PRKD2: variants seen among roughly 807,000 people sequenced by gnomAD.
The protein encoded by PRKD2 is serine/threonine-protein kinase D2.
In PRKD2, 22 loss-of-function variants were observed where a neutral mutation model predicts 86.0. That is an observed-to-expected ratio of 0.26 (90% CI 0.18 to 0.37). The LOEUF is 0.37. PRKD2 is among the 10% of genes least tolerant of loss of function. The pLI is 1.00. For missense variants in PRKD2, 818 were observed against 1,199.2 expected, an observed-to-expected ratio of 0.68 and a Z score of 4.70; for synonymous variants, 509 against 510.9, an observed-to-expected ratio of 1.00 and a Z score of 0.05.
rs1398074050 is a variant in PRKD2, at chr19:46,678,422, C to T, written c.2312G>A (p.Ser771Asn). Reference sequence around the variant, plus strand: ...TCCAGCTGAGATGTGGCTCCAGGGGCTGGCCGGGTACATGAAGGCGGCGTT... The same window carrying T: ...TCCAGCTGAGATGTGGCTCCAGGGGTTGGCCGGGTACATGAAGGCGGCGTT... ...IQNAAFMYPA[S>N]PWSHISAGAI... The change falls in exon 16 of 18, where the codon AGC becomes AAC. Residue 771 changes from serine to asparagine, a missense_variant. Ser to Asn is a conservative substitution (Grantham distance 46). This residue lies in a region of PRKD2 where 132 missense variants were observed against 146.2 expected (regional missense o/e 0.90). Transcript: ENST00000291281. This position sits in a 1 kb window ranked among gnomAD's most constrained non-coding sequence, Gnocchi z 5.7. 14 of 1,614,024 alleles carry T rather than the reference C, an allele frequency of 8.7e-6. No homozygotes were observed. The highest frequency in any genetic ancestry group is 1.3e-5 in the African/African-American group (1 of 74,934).
At chr19:46,696,584 C>T (rs1266166528) in intron 9 of PRKD2, among the ~76,000 whole-genome samples, 2 of 151,964 alleles carry the variant, frequency 1.3e-5, no homozygotes, top group Non-Finnish European at 2.9e-5. Context: ...ATGGTGAAAC[C>T]CCGTCTCTAC....
In PRKD2 at chr19:46,710,977, C is replaced by G. The variant is rs2053799230; in HGVS notation, c.441G>C (p.Arg147=). 1.3e-6 allele frequency: 2 copies of G among 1,577,528 alleles called. No individual in the cohort carries two copies. Among genetic ancestry groups the G allele is most frequent in the Non-Finnish European group, 1.7e-6 (2 of 1,161,600 alleles). Residue 147 remains arginine (R), a synonymous_variant, in exon 3 of 18, where the codon CGG becomes CGC. Coordinates refer to ENST00000291281, the MANE Select transcript of PRKD2 (RefSeq NM_016457.5). The part of the protein sequence containing the change: ...RPHALTVHSY[R]APAFCDHCGE... ...CGCAGTGATCACAGAAGGCAGGCGCCCGATAGGAGTGCACCGTGAGGGCGT... is the reference window on the plus strand; with the variant it reads ...CGCAGTGATCACAGAAGGCAGGCGCGCGATAGGAGTGCACCGTGAGGGCGT...
At chr19:46,688,741 CTTTATT>C (rs1232739416) in intron 14 of PRKD2, 1 of 152,028 alleles carries the variant, frequency 6.6e-6, no homozygotes, top group Admixed American at 6.6e-5. Context: ...CTGGCATACT[CTTTATT>C]TTTAATTGTT....
chr19:46,689,557 T>C lies in PRKD2; in HGVS notation c.1951A>G (p.Thr651Ala), dbSNP rs1255333611. 1.2e-6 allele frequency: 2 copies of C among 1,609,640 alleles called. No individual in the cohort carries two copies. Among genetic ancestry groups the C allele is most frequent in the East Asian group, 2.2e-5 (1 of 44,720 alleles). The change falls in exon 14 of 18, where the codon ACC (threonine) becomes GCC (alanine). Residue 651 changes from threonine (T) to alanine (A), a missense_variant. This residue lies in a region of PRKD2 where 154 missense variants were observed against 359.6 expected (regional missense o/e 0.43). Transcript: ENST00000291281. ...SEKGRLPERLTKFLITQILVA... is the reference protein window; with the variant it reads ...SEKGRLPERLAKFLITQILVA... ...CGCACCTGGGTGATGAGGAACTTGG[T>C]GAGGCGCTCAGGCAGCCGGCCCTTC...
At position 46,702,686 on chromosome 19, in the gene PRKD2, AT is replaced by A. The variant is rs201090562; in HGVS notation, c.889+1482del. ...GGATCTAGGCTTCTGAGGTTCTAGA[AT>A]TTTTTTTTTTCTTTTTTTGAGACAA... On this transcript the variant is annotated intron_variant, in intron 5 of 17. Transcript: ENST00000291281. 2.4e-3 allele frequency among the ~76,000 whole-genome samples: 349 copies of A among 148,008 alleles called. 1 individual carries two copies. The highest frequency in any genetic ancestry group is 7.4e-3 in the African/African-American group (300 of 40,390).
chr19:46,692,801 T>C (rs2053502365), intron 10 of PRKD2, among the ~76,000 whole-genome samples: 1 of 152,194 alleles, frequency 6.6e-6, no homozygotes, highest in African/African-American at 2.4e-5. Flanking sequence ...TCTCTGCATA[T>C]GCTGTTTCCC....
chr19:46,711,614 A>C (rs934796423), intron 2 of PRKD2, among the ~76,000 whole-genome samples: 1 of 152,034 alleles, frequency 6.6e-6, no homozygotes, highest in Admixed American at 6.6e-5. Flanking sequence ...GATGGTCTCA[A>C]ACTCCCGACC....
intron 3 of PRKD2, among the ~76,000 whole-genome samples, chr19:46,705,054 G>A (rs528875039): frequency 7.6e-5 from 11 of 144,838 alleles, no homozygotes; most frequent in African/African-American, 2.8e-4. Context: ...ACTCCAACAA[G>A]GGATACCTCA....
At chr19:46,683,869 A>G (rs1206344859) in intron 14 of PRKD2, among the ~76,000 whole-genome samples, 3 of 152,098 alleles carry the variant, frequency 2.0e-5, no homozygotes, top group African/African-American at 7.2e-5. Context: ...TTGTTGGTAA[A>G]TATATTTGTT....
chr19:46,713,803 T>TCC, intron 2 of PRKD2, 60 bp downstream of exon 2: 3 of 744,420 alleles, frequency 4.0e-6, no homozygotes, highest in Non-Finnish European at 5.8e-6. Flanking sequence ...TACCCTCTCC[T>TCC]CCCCCAGATG....
chr19:46,692,289 A>C (rs1414579794), intron 10 of PRKD2, among the ~76,000 whole-genome samples: 1 of 152,118 alleles, frequency 6.6e-6, no homozygotes, highest in Non-Finnish European at 1.5e-5. Context: ...TCTCAGCACC[A>C]GGGGAGGCAG....
At position 46,678,100 on chromosome 19, in the gene PRKD2, C is replaced by T. The variant is rs1478062454; in HGVS notation, c.2338+296G>A. 6.6e-6 allele frequency among the ~76,000 whole-genome samples: 1 copy of T among 152,178 alleles called. No homozygotes were observed. On this transcript the variant is annotated intron_variant, in intron 16 of 17. Coordinates refer to ENST00000291281, the MANE Select transcript of PRKD2 (RefSeq NM_016457.5). This position sits in a 1 kb window ranked among gnomAD's most constrained non-coding sequence, Gnocchi z 5.7. ...CCTCAAGTCCAGTCCCTTTCCTGGT[C>T]CCACCCTAGACAAGCCAAGTCTCAC...
chr19:46,697,674 T>G, intron 8 of PRKD2, 59 bp downstream of exon 8: 1 of 1,506,116 alleles, frequency 6.6e-7, no homozygotes, highest in Non-Finnish European at 9.2e-7. Context: ...CTACTCAAGC[T>G]GAGCCGCCCC....
In PRKD2 at chr19:46,700,921, G is replaced by A. The variant is rs1468714265; in HGVS notation, c.999C>T (p.Ser333=). The A allele has an allele frequency of 3.1e-6, 5 of 1,614,216 alleles. No individual in the cohort carries two copies. Among genetic ancestry groups the A allele is most frequent in the East Asian group, 2.2e-5 (1 of 44,878 alleles). Residue 333 remains serine, a synonymous_variant, in exon 7 of 18, where the codon AGC becomes AGT. Coordinates refer to ENST00000291281, the MANE Select transcript of PRKD2 (RefSeq NM_016457.5). ...DVPMEEATDF[S]EADKSALMDE... is the part of the protein sequence containing the mutation. ...CCATGAGGGCGCTCTTGTCAGCCTC[G>A]CTGAAATCGGTGGCCTCCTCCATCG...
At chr19:46,691,884 A>G (rs1239507564) in intron 11 of PRKD2, 49 bp downstream of exon 11, 1 of 1,610,852 alleles carries the variant, frequency 6.2e-7, no homozygotes. Flanking sequence ...GAGAGAGCTG[A>G]GGAGGGTTTG....
chr19:46,703,304 G>A (rs368491406), intron 5 of PRKD2, among the ~76,000 whole-genome samples: 7 of 152,102 alleles, frequency 4.6e-5, no homozygotes, highest in African/African-American at 7.2e-5. Flanking sequence ...TGCTAAGCAC[G>A]TTATGAATCT....
intron 1 of PRKD2, chr19:46,714,524 G>A (rs1047820084): frequency 6.9e-6 from 1 of 145,350 alleles, no homozygotes; most frequent in East Asian, 2.0e-4. Context: ...TGGAGATAAG[G>A]AGGGCGCCTG....
intron 5 of PRKD2, among the ~76,000 whole-genome samples, chr19:46,703,091 T>C (rs2122742262): frequency 6.6e-6 from 1 of 152,306 alleles, no homozygotes; most frequent in African/African-American, 2.4e-5. Flanking sequence ...TCTAAGACTC[T>C]CAAATTTGAT....
chr19:46,682,608 G>A (rs2053324414), intron 14 of PRKD2, among the ~76,000 whole-genome samples: 1 of 152,060 alleles, frequency 6.6e-6, no homozygotes, highest in Non-Finnish European at 1.5e-5. Flanking sequence ...TAGATGAGTG[G>A]GGCTGTGAAG....
Sources: allele counts gnomAD v4.1 joint callset (sites outside exome capture counted in the v4.1 genomes callset), GRCh38; gene constraint gnomAD v4.1.1; regional missense constraint gnomAD v4.1.1; non-coding constraint Gnocchi (gnomAD v3.1); transcripts MANE v1.5; gene names NCBI Gene and HGNC (gene_info 2026-07-23, HGNC 2026-07-21).